TRIM5: variants seen among roughly 807,000 people sequenced by gnomAD.
TRIM5 encodes tripartite motif containing 5, also known as tripartite motif-containing protein 5.
TRIM5 carries 31 observed loss-of-function variants against 35.6 expected under a neutral mutation model. That is an observed-to-expected ratio of 0.87 (90% CI 0.65 to 1.18). TRIM5 has a LOEUF of 1.18. Ranked by LOEUF, TRIM5 falls within the 50% of genes most tolerant of loss-of-function variation. The probability of loss-of-function intolerance (pLI) is 0.00; values close to 1 mark genes in which losing one functional copy is unlikely to be tolerated. For missense variants in TRIM5, 609 were observed against 591.6 expected (o/e 1.03, Z -0.31); for synonymous variants, 243 against 215.6 (o/e 1.13, Z -1.11).
the TRIM5 span, among the ~76,000 whole-genome samples, chr11:5,600,261 T>A: frequency 2.6e-5 from 4 of 152,218 alleles, no homozygotes; most frequent in Non-Finnish European, 5.9e-5. Flanking sequence ...TTTATACAAC[T>A]ATGAGATGAG....
intron 3 of TRIM5, 141 bp from the exon 4 acceptor site, chr11:5,678,575 T>C: frequency 1.7e-6 from 1 of 597,544 alleles, no homozygotes; most frequent in Non-Finnish European, 2.8e-6. Context: ...AAGCTGCCTT[T>C]TCCTATTTCT....
the TRIM5 span, chr11:5,634,492 TACACACACACACACACAC>T: frequency 2.2e-5 from 5 of 228,038 alleles, no homozygotes; most frequent in African/African-American, 8.5e-5. Context: ...ATAATATAAA[TACACACACACACACACAC>T]ACACACACAC....
At chr11:5,619,310 G>C in the TRIM5 span, among the ~76,000 whole-genome samples, 3 of 152,132 alleles carry the variant, frequency 2.0e-5, no homozygotes, top group Non-Finnish European at 4.4e-5. Context: ...ACAAGAATAC[G>C]CCTCCTTCAT....
At chr11:5,662,364 C>T (rs543902760), downstream of TRIM5, among the ~76,000 whole-genome samples, 11 of 152,266 alleles carry the variant, frequency 7.2e-5, no homozygotes, top group Non-Finnish European at 1.2e-4. Flanking sequence ...CATAAACATC[C>T]GTTGCAAAAA....
At chr11:5,623,212 G>C in the TRIM5 span, among the ~76,000 whole-genome samples, 1 of 149,290 alleles carries the variant, frequency 6.7e-6, no homozygotes, top group East Asian at 2.0e-4. Context: ...CTTTGGCTTA[G>C]TGATTTTTGG....
downstream of TRIM5, among the ~76,000 whole-genome samples, chr11:5,661,805 A>G (rs1850836210): frequency 6.6e-6 from 1 of 152,242 alleles, no homozygotes; most frequent in Non-Finnish European, 1.5e-5. Context: ...TTCAGCTGAG[A>G]GGTTCATTAC....
chr11:5,641,262 G>A, the TRIM5 span: 2 of 1,605,792 alleles, frequency 1.2e-6, no homozygotes, highest in Non-Finnish European at 1.7e-6. Flanking sequence ...GTTATTTGGT[G>A]GTCAATTGGA....
chr11:5,644,540 T>C, the TRIM5 span: 5 of 328,228 alleles, frequency 1.5e-5, no homozygotes, highest in Non-Finnish European at 2.2e-5. Context: ...TATAGAACTT[T>C]TTATACTGAG....
chr11:5,662,497 T>C (rs1433636484), downstream of TRIM5, among the ~76,000 whole-genome samples: 1 of 152,196 alleles, frequency 6.6e-6, no homozygotes, highest in African/African-American at 2.4e-5. Flanking sequence ...ATCGATACCA[T>C]TGTTGAGAAA....
the TRIM5 span, chr11:5,603,702 G>A: frequency 1.5e-5 from 24 of 1,613,420 alleles, no homozygotes; most frequent in African/African-American, 1.5e-4. Context: ...GTCACCACAC[G>A]TTCCTCGTGG....
the TRIM5 span, chr11:5,604,729 C>T: frequency 2.3e-5 from 30 of 1,287,240 alleles, no homozygotes; most frequent in Non-Finnish European, 3.1e-5. Flanking sequence ...CCTCTGATGC[C>T]ATGACTAGAA....
At chr11:5,611,145 C>T in the TRIM5 span, 3 of 1,614,170 alleles carry the variant, frequency 1.9e-6, no homozygotes, top group South Asian at 3.3e-5. Flanking sequence ...TTCCCTGCTT[C>T]TCTCCATGAC....
chr11:5,615,781 C>T, the TRIM5 span, among the ~76,000 whole-genome samples: 1 of 151,336 alleles, frequency 6.6e-6, no homozygotes, highest in African/African-American at 2.4e-5. Context: ...TTAGTAGAGA[C>T]GGGGTTTCAC....
chr11:5,639,614 AG>A, the TRIM5 span, among the ~76,000 whole-genome samples: 1 of 128,720 alleles, frequency 7.8e-6, no homozygotes, highest in Non-Finnish European at 1.6e-5. Context: ...GGGGAGGTGG[AG>A]GTTGCAGCGA....
At chr11:5,604,838 C>A in the TRIM5 span, 1 of 525,180 alleles carries the variant, frequency 1.9e-6, no homozygotes, top group Non-Finnish European at 3.3e-6. Context: ...AGGAGACAAT[C>A]ACATAGCAGA....
chr11:5,613,197 C>T, the TRIM5 span, among the ~76,000 whole-genome samples: 1 of 152,152 alleles, frequency 6.6e-6, no homozygotes, highest in Non-Finnish European at 1.5e-5. Flanking sequence ...AAGGTAATGA[C>T]AGAGAAAAGA....
intron 4 of TRIM5, among the ~76,000 whole-genome samples, chr11:5,669,097 T>C (rs2134044952): frequency 6.6e-6 from 1 of 151,868 alleles, no homozygotes; most frequent in South Asian, 2.1e-4. Flanking sequence ...TTTTTTTTTT[T>C]TGATACGGGG....
In TRIM5 at chr11:5,670,170, C is replaced by CTTTT. The variant is rs3060972; in HGVS notation, c.745-2463_745-2460dup. On this transcript the variant is annotated intron_variant, in intron 4 of 7. Coordinates refer to ENST00000380034, the MANE Select transcript of TRIM5 (RefSeq NM_033034.3). ...TGTCTGTGTTGGATCAGATGCCCAT[C>CTTTT]TTTTTTTTTTTTTTTTTTTTTTTTT... is the stretch of plus-strand genomic sequence containing the variant. 4.0e-3 allele frequency among the ~76,000 whole-genome samples: 241 copies of CTTTT among 60,248 alleles called. 5 individuals are homozygous for CTTTT. Among genetic ancestry groups the CTTTT allele is most frequent in the African/African-American group, 6.4e-3 (88 of 13,724 alleles). The allele number at this position is 60,248 out of a possible 152,430, so 39.5% of individuals were successfully genotyped here.
the TRIM5 span, among the ~76,000 whole-genome samples, chr11:5,639,753 C>T: frequency 1.5e-5 from 2 of 137,626 alleles, no homozygotes; most frequent in African/African-American, 5.3e-5. Flanking sequence ...CAGGACTTTT[C>T]TGACTGTACA....
Sources: gnomAD v4.1 joint callset for allele counts (sites outside exome capture counted in the v4.1 genomes callset) on GRCh38, gnomAD v4.1.1 for gene constraint, MANE v1.5 for transcripts, NCBI Gene and HGNC (gene_info 2026-07-23, HGNC 2026-07-21) for gene names.